Variants in NT5C3A observed in about 807,000 individuals in gnomAD.
The protein encoded by NT5C3A is cytosolic 5'-nucleotidase 3A.
Under a neutral mutation model 40.0 loss-of-function variants are expected in NT5C3A, and 23 were observed. The ratio of observed to expected loss-of-function variants is 0.58; its 90% CI spans 0.41 to 0.81. NT5C3A has a LOEUF of 0.81. Among genes scored for constraint, NT5C3A ranks in the 40% least tolerant of loss-of-function variants. NT5C3A has a pLI of 0.00. For missense variants in NT5C3A, 328 were observed against 403.0 expected, an observed-to-expected ratio of 0.81 and a Z score of 1.59; for synonymous variants, 130 against 141.4, an observed-to-expected ratio of 0.92 and a Z score of 0.57.
chr7:33,019,752 A>C, intron 5 of NT5C3A, 28 bp from the exon 6 acceptor site: 1 of 1,195,486 alleles, frequency 8.4e-7, no homozygotes, highest in Non-Finnish European at 1.2e-6. Flanking sequence ...AGGAAAAAAG[A>C]CTATCAATTA....
chr7:33,043,043 T>C (rs1268042746), intron 1 of NT5C3A, among the ~76,000 whole-genome samples: 2 of 152,214 alleles, frequency 1.3e-5, no homozygotes, highest in Admixed American at 6.5e-5. Flanking sequence ...ATAATACTTA[T>C]AAACAACCCT....
At chr7:33,018,719 G>A (rs6963198) in intron 6 of NT5C3A, among the ~76,000 whole-genome samples, 49,109 of 151,656 alleles carry the variant, frequency 0.32, 8,332 homozygotes, top group Non-Finnish European at 0.37. Flanking sequence ...GCGTGGTGGC[G>A]GGCGCCTGAA....
At chr7:33,023,304 G>A (rs1250377447) in intron 3 of NT5C3A, among the ~76,000 whole-genome samples, 1 of 151,772 alleles carries the variant, frequency 6.6e-6, no homozygotes, top group East Asian at 1.9e-4. Flanking sequence ...TGTTGCCCAG[G>A]CTGGAGCGCA....
Position 33,022,068 on chromosome 7 carries a change from A to C in NT5C3A, c.339T>G (p.Asp113Glu). The stretch of plus-strand genomic sequence containing the variant: ...TAGTGTTTACCTTTTTTCTACATTC[A>C]TCTGTAACCAGCTTACAGTTGTCAA... Reference protein sequence around the residue: ...NIIDNCKLVTDECRKKLLQLK... With the variant: ...NIIDNCKLVTEECRKKLLQLK... Residue 113 changes from aspartate (D) to glutamate (E), a missense_variant, in exon 4 of 9, where the codon GAT (aspartate) becomes GAG (glutamate). Asp to Glu is a conservative substitution (Grantham distance 45). This residue lies in a region of NT5C3A where 280 missense variants were observed against 317.2 expected (regional missense o/e 0.88). Transcript: ENST00000610140. 6.5e-7 allele frequency: 1 copy of C among 1,533,182 alleles called. No homozygotes were observed. The highest frequency in any genetic ancestry group is 9.0e-7 in the Non-Finnish European group (1 of 1,107,304). 95.0% of individuals were successfully genotyped at this position (1,533,182 alleles called of 1,614,324 possible). A position where few individuals can be genotyped will look rare whatever the true frequency, so the allele number is the denominator to read the frequency against.
rs748316027 is a variant in NT5C3A at position 33,017,568 on chromosome 7, T to C, written c.564A>G (p.Gln188=). 6.2e-6 allele frequency: 10 copies of C among 1,613,980 alleles called. No individual in the cohort carries two copies. Among genetic ancestry groups the C allele is most frequent in the Non-Finnish European group, 8.5e-6 (10 of 1,179,842 alleles). ...ATATGAACACGGGGATGCTATGTTG[T>C]TGGAGCTTATCAAAGAAATTCTCAT... The part of the protein sequence containing the change: ...EGYENFFDKL[Q]QHSIPVFIFS... The change falls in exon 7 of 9, where the codon CAA becomes CAG. Residue 188 remains glutamine, a synonymous_variant. Transcript: ENST00000610140.
At chr7:33,052,049 C>T (rs1355234279) in intron 1 of NT5C3A, among the ~76,000 whole-genome samples, 2 of 152,106 alleles carry the variant, frequency 1.3e-5, no homozygotes, top group Non-Finnish European at 2.9e-5. Context: ...CTAGAAACAG[C>T]TTCTAAAGTT....
At chr7:33,030,235 T>A (rs1044132644) in intron 1 of NT5C3A, among the ~76,000 whole-genome samples, 4 of 152,232 alleles carry the variant, frequency 2.6e-5, no homozygotes, top group African/African-American at 9.6e-5. Flanking sequence ...TATCATAATA[T>A]AAGCACACTG....
intron 1 of NT5C3A, chr7:33,029,692 G>C: frequency 7.8e-7 from 1 of 1,289,542 alleles, no homozygotes; most frequent in Non-Finnish European, 1.0e-6. Context: ...AGACCACTTC[G>C]AAGAAGGCTG....
intron 8 of NT5C3A, among the ~76,000 whole-genome samples, chr7:33,015,071 G>A (rs1367802994): frequency 6.6e-6 from 1 of 152,000 alleles, no homozygotes; most frequent in Non-Finnish European, 1.5e-5. Context: ...CAAATGGGGT[G>A]ATTTTTGTCC....
At chr7:33,022,191 AACTC>A in intron 3 of NT5C3A, 92 bp from the exon 4 acceptor site, 1 of 731,314 alleles carries the variant, frequency 1.4e-6, no homozygotes, top group Non-Finnish European at 2.4e-6. Context: ...AATGGCAAAA[AACTC>A]AATTACTTTT....
intron 5 of NT5C3A, among the ~76,000 whole-genome samples, 192 bp from the exon 6 acceptor site, chr7:33,019,916 T>G (rs1400887157): frequency 6.6e-6 from 1 of 152,180 alleles, no homozygotes; most frequent in East Asian, 1.9e-4. Flanking sequence ...TCTTACTGAG[T>G]TTCCCAGTCC....
intron 1 of NT5C3A, among the ~76,000 whole-genome samples, chr7:33,041,655 T>G (rs1786918694): frequency 6.6e-6 from 1 of 152,020 alleles, no homozygotes; most frequent in Non-Finnish European, 1.5e-5. Flanking sequence ...AATCTGAAAA[T>G]AAAAATTAAT....
chr7:33,015,964 C>A, intron 7 of NT5C3A, 94 bp from the exon 8 acceptor site: 1 of 830,264 alleles, frequency 1.2e-6, no homozygotes, highest in Non-Finnish European at 2.0e-6. Flanking sequence ...ACTATTATTT[C>A]ATCATATTTG....
chr7:33,023,828 T>C (rs1785765553), intron 3 of NT5C3A: 2 of 553,168 alleles, frequency 3.6e-6, no homozygotes, highest in South Asian at 2.1e-5. Context: ...GAGTCTCTGA[T>C]TCCCTTTGCT....
intron 1 of NT5C3A, among the ~76,000 whole-genome samples, chr7:33,044,482 C>T (rs1156788821): frequency 6.6e-6 from 1 of 152,134 alleles, no homozygotes; most frequent in Non-Finnish European, 1.5e-5. Flanking sequence ...CACCTCTGTA[C>T]ACAATAAATG....
intron 1 of NT5C3A, among the ~76,000 whole-genome samples, chr7:33,061,104 G>A (rs1038063627): frequency 5.3e-5 from 8 of 152,168 alleles, no homozygotes; most frequent in African/African-American, 1.9e-4. Context: ...GCTTAGATAA[G>A]TGGTATACAG....
chr7:33,024,064 T>C lies in NT5C3A; in HGVS notation c.282A>G (p.Lys94=). Residue 94 remains lysine, a synonymous_variant, in exon 3 of 9, where the codon AAA becomes AAG. Transcript: ENST00000610140. The stretch of plus-strand genomic sequence containing the variant: ...TATGACATGTTGGGCATCTTTTCCC[T>C]TTATATGAAAATCTACTGAGTGTCA... ...FDMTLSRFSY[K]GKRCPTCHNI... is the part of the protein sequence containing the mutation. 1.3e-6 allele frequency: 2 copies of C among 1,577,056 alleles called. No individual in the cohort carries two copies. Among genetic ancestry groups the C allele is most frequent in the East Asian group, 2.2e-5 (1 of 44,710 alleles).
chr7:33,032,423 CAA>C (rs34501041), intron 1 of NT5C3A, among the ~76,000 whole-genome samples: 6 of 94,826 alleles, frequency 6.3e-5, no homozygotes, highest in Admixed American at 1.2e-4. Flanking sequence ...ACTCGGTCTC[CAA>C]AAAAAAAAAA....
At chr7:33,038,836 T>C (rs547583887) in intron 1 of NT5C3A, 17 of 456,584 alleles carry the variant, frequency 3.7e-5, no homozygotes, top group South Asian at 2.5e-4. Context: ...TGGTCATCTG[T>C]TGCAGATGCT....
Sources: gnomAD v4.1 joint callset for allele counts (sites outside exome capture counted in the v4.1 genomes callset) on GRCh38, gnomAD v4.1.1 for gene constraint, gnomAD v4.1.1 regional missense constraint, MANE v1.5 for transcripts, NCBI Gene and HGNC (gene_info 2026-07-23, HGNC 2026-07-21) for gene names.